Variants in NEK1 observed in about 807,000 individuals in gnomAD.
NEK1 encodes the protein NIMA related kinase 1.
In NEK1, 137 loss-of-function variants were observed where a neutral mutation model predicts 182.1. The ratio of observed to expected loss-of-function variants is 0.75; its 90% CI spans 0.65 to 0.87. The LOEUF is 0.87. Ranked by LOEUF, NEK1 falls within the 40% of genes least tolerant of loss-of-function variation. The pLI is 0.00. For missense variants in NEK1, 1,391 were observed against 1,494.4 expected (o/e 0.93, Z 1.14); for synonymous variants, 513 against 492.2 (o/e 1.04, Z -0.56).
At chr4:169,597,507 G>A (rs1373142280) in intron 5 of NEK1, among the ~76,000 whole-genome samples, 2 of 151,464 alleles carry the variant, frequency 1.3e-5, no homozygotes, top group African/African-American at 4.9e-5. Context: ...CTAGTGGCAC[G>A]TTTCTGTAGC....
At chr4:169,548,455 C>T (rs1561391763) in intron 18 of NEK1, among the ~76,000 whole-genome samples, 2 of 152,230 alleles carry the variant, frequency 1.3e-5, no homozygotes, top group South Asian at 4.1e-4. Context: ...CAGGGACCCA[C>T]TTGAGGAGGC....
At chr4:169,440,686 A>G (rs893607572) in intron 27 of NEK1, among the ~76,000 whole-genome samples, 1 of 152,216 alleles carries the variant, frequency 6.6e-6, no homozygotes, top group African/African-American at 2.4e-5. Flanking sequence ...GAGAAACACC[A>G]CAGATTGACC....
At chr4:169,555,874 A>G (rs781139724) in intron 17 of NEK1, 23 bp from the exon 18 acceptor site, 21 of 1,613,680 alleles carry the variant, frequency 1.3e-5, no homozygotes, top group Non-Finnish European at 1.8e-5. Flanking sequence ...ATGCACAGTG[A>G]CTTTCATTAC....
At chr4:169,566,667 C>T (rs1763729944) in intron 12 of NEK1, among the ~76,000 whole-genome samples, 1 of 152,122 alleles carries the variant, frequency 6.6e-6, no homozygotes. Context: ...GCAATTAAAA[C>T]ATGACAGTAT....
At chr4:169,477,529 TAATTTTATTTTTTTA>T in intron 24 of NEK1, 32 bp from the exon 25 acceptor site, 1 of 1,489,598 alleles carries the variant, frequency 6.7e-7, no homozygotes. Flanking sequence ...GAGGAAGAGA[TAATTTTATTTTTTTA>T]AATCTACCTT....
intron 23 of NEK1, among the ~76,000 whole-genome samples, chr4:169,501,394 T>C (rs932804762): frequency 2.0e-5 from 3 of 151,990 alleles, no homozygotes; most frequent in Non-Finnish European, 3.0e-5. Context: ...ACTTGACCAG[T>C]TGGTCCTAAT....
intron 27 of NEK1, among the ~76,000 whole-genome samples, chr4:169,440,993 C>T (rs893407065): frequency 3.9e-5 from 6 of 152,218 alleles, no homozygotes; most frequent in African/African-American, 1.2e-4. Context: ...TGGAGCCCTA[C>T]TGACATTTAC....
At chr4:169,583,266 CAAA>C (rs113591219) in intron 10 of NEK1, among the ~76,000 whole-genome samples, 13 of 124,554 alleles carry the variant, frequency 1.0e-4, no homozygotes, top group South Asian at 2.7e-4. Flanking sequence ...GACTCCATCT[CAAA>C]AAAAAAAAAA....
intron 33 of NEK1, 75 bp from the exon 34 acceptor site, chr4:169,400,726 A>G (rs1249081686): frequency 7.6e-6 from 8 of 1,054,516 alleles, no homozygotes; most frequent in Non-Finnish European, 1.1e-5. Flanking sequence ...CTAAAATTCT[A>G]TGACAAATGA....
chr4:169,569,464 C>T (rs572241278), intron 12 of NEK1, among the ~76,000 whole-genome samples: 88 of 113,120 alleles, frequency 7.8e-4, no homozygotes, highest in Admixed American at 2.9e-3. Flanking sequence ...CCCTCTCTCC[C>T]TCCCTCCCTC....
intron 23 of NEK1, among the ~76,000 whole-genome samples, chr4:169,500,121 C>T (rs1245980012): frequency 6.6e-6 from 1 of 152,218 alleles, no homozygotes; most frequent in Non-Finnish European, 1.5e-5. Flanking sequence ...CCCCCAGCCT[C>T]GCTGCCGCCT....
intron 12 of NEK1, among the ~76,000 whole-genome samples, chr4:169,574,828 A>G (rs1765443301): frequency 1.3e-5 from 2 of 152,174 alleles, no homozygotes; most frequent in Non-Finnish European, 2.9e-5. Context: ...AACAGCCAGC[A>G]TGTAAGACAG....
intron 10 of NEK1, among the ~76,000 whole-genome samples, 154 bp downstream of exon 10, chr4:169,585,195 A>G (rs1580969748): frequency 6.6e-6 from 1 of 152,266 alleles, no homozygotes; most frequent in East Asian, 1.9e-4. Flanking sequence ...TCTGAAGAAA[A>G]AGAAAGACCA....
intron 18 of NEK1, 27 bp from the exon 19 acceptor site, chr4:169,537,938 C>T (rs773951367): frequency 6.9e-7 from 1 of 1,452,338 alleles, no homozygotes; most frequent in Non-Finnish European, 9.4e-7. Flanking sequence ...ACAAAGTCAG[C>T]CATCCTGAAC....
At chr4:169,588,323 G>A (rs979848702) in intron 8 of NEK1, among the ~76,000 whole-genome samples, 1 of 152,042 alleles carries the variant, frequency 6.6e-6, no homozygotes, top group African/African-American at 2.4e-5. Context: ...CCTAGAACTC[G>A]AAACAGTACC....
intron 12 of NEK1, among the ~76,000 whole-genome samples, chr4:169,572,953 G>A (rs1765102714): frequency 6.6e-6 from 1 of 152,176 alleles, no homozygotes; most frequent in Admixed American, 6.5e-5. Flanking sequence ...AAGTTTTGTT[G>A]TTAAAGGGAC....
Position 169,507,719 on chromosome 4 carries a change from A to C in NEK1, c.1907T>G (p.Leu636Arg), listed in dbSNP as rs761953667. The change falls in exon 22 of 36, where the codon CTG becomes CGG. Residue 636 changes from leucine to arginine, a missense_variant. Leu to Arg is a moderately radical substitution (Grantham distance 102). This residue lies in a region of NEK1 where 1,216 missense variants were observed against 1,277.6 expected (regional missense o/e 0.95). Transcript: ENST00000507142. ...TGTATCATTTCTAGTCTATACCTTC[A>C]GTGATTCGATTTTTTTGCGCCTCAT... ...ADMRRKKIESLKAHANARAAV... is the reference protein window; with the variant it reads ...ADMRRKKIESRKAHANARAAV... 6.2e-7 allele frequency: 1 copy of C among 1,611,166 alleles called. No individual in the cohort carries two copies. The highest frequency in any genetic ancestry group is 1.3e-5 in the African/African-American group (1 of 74,882).
In NEK1 at chr4:169,545,956, C is replaced by T. The variant is rs199605718; in HGVS notation, c.1563-8045G>A. ...CAAATGGAAGAACATTCCATGCTCACGGGTAGGAAGAATCAATATCGTGAA... is the reference window on the plus strand; with the variant it reads ...CAAATGGAAGAACATTCCATGCTCATGGGTAGGAAGAATCAATATCGTGAA... On this transcript the variant is annotated intron_variant, in intron 18 of 35. Transcript: ENST00000507142. Among the ~76,000 whole-genome samples the T allele has an allele frequency of 9.2e-5, 14 of 152,204 alleles. No individual in the cohort carries two copies. In the South Asian group the frequency reaches 2.7e-3, roughly 29 times the overall value.
intron 19 of NEK1, among the ~76,000 whole-genome samples, chr4:169,511,158 A>T (rs1754107542): frequency 6.6e-6 from 1 of 152,140 alleles, no homozygotes; most frequent in Non-Finnish European, 1.5e-5. Context: ...AGAGCAAAAA[A>T]GTATTACTGT....
Sources: allele counts gnomAD v4.1 joint callset (sites outside exome capture counted in the v4.1 genomes callset), GRCh38; gene constraint gnomAD v4.1.1; regional missense constraint gnomAD v4.1.1; transcripts MANE v1.5; gene names NCBI Gene and HGNC (gene_info 2026-07-23, HGNC 2026-07-21).